SLC35F3: variants seen among roughly 807,000 people sequenced by gnomAD.
SLC35F3 encodes solute carrier family 35 member F3.
In SLC35F3, 25 loss-of-function variants were observed where a neutral mutation model predicts 49.9. The ratio of observed to expected loss-of-function variants is 0.50; its 90% CI spans 0.37 to 0.70. SLC35F3 has a LOEUF of 0.70. Ranked by LOEUF, SLC35F3 falls within the 30% of genes least tolerant of loss-of-function variation. The pLI, the probability that SLC35F3 is intolerant of heterozygous loss-of-function variation, is 0.00. For synonymous variants in SLC35F3, 275 were observed against 265.4 expected (o/e 1.04, Z -0.35); for missense variants, 525 against 639.8 (o/e 0.82, Z 1.94).
intron 2 of SLC35F3, among the ~76,000 whole-genome samples, chr1:234,025,766 C>T (rs148176563): frequency 2.0e-5 from 3 of 152,134 alleles, no homozygotes; most frequent in African/African-American, 7.2e-5. Flanking sequence ...TGTAGGTCGT[C>T]TGTTTACTCT....
chr1:234,207,095 G>A (rs1336862805), intron 2 of SLC35F3, among the ~76,000 whole-genome samples: 3 of 152,028 alleles, frequency 2.0e-5, no homozygotes, highest in Admixed American at 2.0e-4. Context: ...GGCCAGCTGT[G>A]GTCGATGAGT....
Position 234,105,584 on chromosome 1 carries a change from T to A in SLC35F3, c.284-125833T>A, listed in dbSNP as rs550694592. 1.2e-3 allele frequency among the ~76,000 whole-genome samples: 189 copies of A among 152,296 alleles called. 1 individual carries two copies. Among genetic ancestry groups the A allele is most frequent in the Non-Finnish European group, 1.8e-3 (122 of 68,020 alleles). On this transcript the variant is annotated intron_variant, in intron 2 of 7. Coordinates refer to ENST00000366618, the MANE Select transcript of SLC35F3 (RefSeq NM_173508.4). ...AAGAAAGAGGAGCCATGTCTGCACC[T>A]CTTGCAAGATCCTACTAGGCACCAC...
chr1:233,910,702 C>T (rs1661860566), intron 2 of SLC35F3, among the ~76,000 whole-genome samples: 2 of 152,264 alleles, frequency 1.3e-5, no homozygotes, highest in Middle Eastern at 3.4e-3. Context: ...AAACATTTTA[C>T]GAATAGCTTT....
chr1:234,176,431 G>A (rs1173452614), intron 2 of SLC35F3, among the ~76,000 whole-genome samples: 2 of 152,230 alleles, frequency 1.3e-5, no homozygotes, highest in African/African-American at 4.8e-5. Context: ...CTCAGCTGCA[G>A]TAACTCACGC....
intron 2 of SLC35F3, among the ~76,000 whole-genome samples, chr1:234,139,965 A>AAAATAAAATAAAATG (rs1665871370): frequency 2.3e-5 from 3 of 130,392 alleles, no homozygotes; most frequent in Admixed American, 2.3e-4. Flanking sequence ...AAAATAAAAT[A>AAAATAAAATAAAATG]AAATAAAATA....
At chr1:234,226,797 G>A (rs1182373683) in intron 2 of SLC35F3, among the ~76,000 whole-genome samples, 1 of 152,146 alleles carries the variant, frequency 6.6e-6, no homozygotes, top group Non-Finnish European at 1.5e-5. Context: ...CAAGCAAAAA[G>A]TGTGATTTTG....
intron 2 of SLC35F3, among the ~76,000 whole-genome samples, chr1:233,983,888 T>C (rs1255743388): frequency 6.6e-6 from 1 of 152,218 alleles, no homozygotes; most frequent in Admixed American, 6.5e-5. Flanking sequence ...CAGTGCTTCC[T>C]GAACTGAACT....
chr1:234,191,819 G>A (rs113069921), intron 2 of SLC35F3, among the ~76,000 whole-genome samples: 12,188 of 151,946 alleles, frequency 0.08, 1,354 homozygotes, highest in African/African-American at 0.25. Context: ...GACTACTACT[G>A]TGAACACCTT....
chr1:234,082,137 A>C (rs557013937), intron 2 of SLC35F3, among the ~76,000 whole-genome samples: 2 of 152,066 alleles, frequency 1.3e-5, no homozygotes, highest in East Asian at 3.9e-4. Context: ...TAATATACAA[A>C]ACAGATTCCA....
chr1:234,204,043 A>G (rs1463965970), intron 2 of SLC35F3, among the ~76,000 whole-genome samples: 1 of 152,114 alleles, frequency 6.6e-6, no homozygotes, highest in Non-Finnish European at 1.5e-5. Context: ...TGTGTTATTG[A>G]ATAACTTATT....
At chr1:233,951,732 G>GTGTTT (rs1327767867) in intron 2 of SLC35F3, among the ~76,000 whole-genome samples, 1 of 151,866 alleles carries the variant, frequency 6.6e-6, no homozygotes, top group East Asian at 1.9e-4. Flanking sequence ...GTGTGTGTGT[G>GTGTTT]TGTTTTGTTT....
intron 2 of SLC35F3, among the ~76,000 whole-genome samples, chr1:234,147,953 T>C (rs553081667): frequency 6.6e-6 from 1 of 152,310 alleles, no homozygotes; most frequent in East Asian, 1.9e-4. Flanking sequence ...TTTTGAGAAA[T>C]GCTGCCTTAG....
At chr1:234,278,178 G>A (rs1558095762) in intron 3 of SLC35F3, among the ~76,000 whole-genome samples, 1 of 151,978 alleles carries the variant, frequency 6.6e-6, no homozygotes, top group African/African-American at 2.4e-5. Context: ...GGGCAATAAA[G>A]CAAGACCCCA....
chr1:234,287,240 A>T (rs1166807628), intron 3 of SLC35F3, among the ~76,000 whole-genome samples: 1 of 152,206 alleles, frequency 6.6e-6, no homozygotes, highest in Non-Finnish European at 1.5e-5. Flanking sequence ...AATGTTAATT[A>T]TACAGCAGCC....
At chr1:234,018,565 C>T (rs1252469433) in intron 2 of SLC35F3, among the ~76,000 whole-genome samples, 1 of 152,162 alleles carries the variant, frequency 6.6e-6, no homozygotes, top group African/African-American at 2.4e-5. Flanking sequence ...CACAGGACAT[C>T]GCCTCTTCCT....
chr1:234,197,222 G>A (rs1461810555), intron 2 of SLC35F3, among the ~76,000 whole-genome samples: 1 of 152,178 alleles, frequency 6.6e-6, no homozygotes, highest in Non-Finnish European at 1.5e-5. Context: ...CTCCCACTGA[G>A]GCTGGGAGAC....
At chr1:234,196,807 T>TGGC (rs1666820506) in intron 2 of SLC35F3, among the ~76,000 whole-genome samples, 1 of 152,212 alleles carries the variant, frequency 6.6e-6, no homozygotes, top group Non-Finnish European at 1.5e-5. Flanking sequence ...CCAGGCGTGG[T>TGGC]GGCACATGCC....
At chr1:234,168,205 G>A (rs1666346810) in intron 2 of SLC35F3, among the ~76,000 whole-genome samples, 1 of 152,210 alleles carries the variant, frequency 6.6e-6, no homozygotes, top group Non-Finnish European at 1.5e-5. Context: ...GCACCCTAGG[G>A]CTGGAATATG....
chr1:234,258,701 G>T (rs1667858012), intron 3 of SLC35F3, among the ~76,000 whole-genome samples: 1 of 152,250 alleles, frequency 6.6e-6, no homozygotes, highest in African/African-American at 2.4e-5. Context: ...AGGTTGTGAG[G>T]TTAGAAGCAA....
Sources: allele counts gnomAD v4.1 joint callset (sites outside exome capture counted in the v4.1 genomes callset), GRCh38; gene constraint gnomAD v4.1.1; transcripts MANE v1.5; gene names NCBI Gene and HGNC (gene_info 2026-07-23, HGNC 2026-07-21).